Variants in RAB37 observed in about 807,000 individuals in gnomAD.
The protein encoded by RAB37 is RAB37, member RAS oncogene family.
Under a neutral mutation model 33.1 loss-of-function variants are expected in RAB37, and 29 were observed. That is an observed-to-expected ratio of 0.88 (90% CI 0.65 to 1.20). The LOEUF (loss-of-function observed/expected upper bound fraction) is 1.20, where lower values mean the gene tolerates loss of function less well. Ranked by LOEUF, RAB37 falls within the 50% of genes most tolerant of loss-of-function variation. RAB37 has a pLI of 0.00. For synonymous variants in RAB37, 128 were observed against 119.5 expected (o/e 1.07, Z -0.47); for missense variants, 299 against 301.1 (o/e 0.99, Z 0.05).
chr17:74,702,925 G>T lies in RAB37; in HGVS notation c.73-26331G>T, dbSNP rs554364790. Reference sequence around the variant, plus strand: ...CTCCCAGCTTCCTCATCCTCACCAAGGAGCATGCAGGTCCCAGACAAAGCT... The same window carrying T: ...CTCCCAGCTTCCTCATCCTCACCAATGAGCATGCAGGTCCCAGACAAAGCT... On this transcript the variant is annotated intron_variant, in intron 1 of 7. Transcript: ENST00000340415. 8.0e-6 allele frequency: 7 copies of T among 877,308 alleles called. No individual in the cohort carries two copies. In the East Asian group the frequency reaches 1.5e-4, roughly 19 times the overall value. The allele number at this position is 877,308 out of a possible 1,614,324, so 54.3% of individuals were successfully genotyped here.
rs1688120155 is a variant in RAB37 at position 74,730,406 on chromosome 17, G to A, written c.183+1040G>A. On this transcript the variant is annotated intron_variant, in intron 2 of 7. Transcript: ENST00000340415. The surrounding 1 kb of genome is among the most constrained non-coding windows in gnomAD (Gnocchi z 4.4). ...CACTGGGTCACAGCCAGGAAGGCAG[G>A]GGTTCAGAATGAACATGGCTTCTGC... 2.6e-5 allele frequency among the ~76,000 whole-genome samples: 4 copies of A among 152,144 alleles called. No homozygotes were observed. In the South Asian group the frequency reaches 8.3e-4, roughly 31 times the overall value.
At chr17:74,739,561 G>A (rs1459659908) in intron 1 of RAB37, among the ~76,000 whole-genome samples, 93 of 133,622 alleles carry the variant, frequency 7.0e-4, no homozygotes, top group South Asian at 1.2e-3. Flanking sequence ...ACAGAGTGTC[G>A]CTCTGTCACC....
At chr17:74,728,826 T>C (rs1295486582) in intron 1 of RAB37, among the ~76,000 whole-genome samples, 1 of 152,038 alleles carries the variant, frequency 6.6e-6, no homozygotes. Flanking sequence ...TGTTTTTCTG[T>C]GTCTGTATGT....
chr17:74,683,288 C>A (rs1051620445), intron 1 of RAB37, among the ~76,000 whole-genome samples: 6 of 152,126 alleles, frequency 3.9e-5, no homozygotes, highest in Non-Finnish European at 8.8e-5. Context: ...TGTGGACCAT[C>A]CAGGGAAGAG....
rs888834843 is a variant in RAB37, at chr17:74,742,528, A to G, written c.246+233A>G. Among the ~76,000 whole-genome samples, 1 of 152,032 alleles carries G rather than the reference A, an allele frequency of 6.6e-6. No individual in the cohort carries two copies. Among genetic ancestry groups the G allele is most frequent in the Non-Finnish European group, 1.5e-5 (1 of 68,006 alleles). On this transcript the variant is annotated intron_variant, in intron 3 of 8. Transcript: ENST00000392613. This position sits in a 1 kb window ranked among gnomAD's most constrained non-coding sequence, Gnocchi z 4.0. ...CTTCAGACAAGCTTAGCCTCCATCC[A>G]TCTCCTCCCCAGTTGCCAGGGCTTT...
intron 1 of RAB37, among the ~76,000 whole-genome samples, chr17:74,700,183 ACAAT>A (rs1421336058): frequency 6.6e-6 from 1 of 151,034 alleles, no homozygotes; most frequent in Non-Finnish European, 1.5e-5. Flanking sequence ...AAACAAACAA[ACAAT>A]CAAAATAAAA....
intron 1 of RAB37, among the ~76,000 whole-genome samples, chr17:74,708,831 C>A (rs978575841): frequency 6.7e-6 from 1 of 149,894 alleles, no homozygotes; most frequent in East Asian, 2.0e-4. Flanking sequence ...AGGAGAATGA[C>A]GTGAACCCGG....
intron 1 of RAB37, among the ~76,000 whole-genome samples, chr17:74,687,471 GC>G (rs2143493848): frequency 6.6e-6 from 1 of 151,964 alleles, no homozygotes; most frequent in Admixed American, 6.6e-5. Flanking sequence ...TGATCCACCT[GC>G]CTCGGCCTCC....
At chr17:74,701,222 ATCAG>A (rs2033023270) in intron 1 of RAB37, among the ~76,000 whole-genome samples, 2 of 152,260 alleles carry the variant, frequency 1.3e-5, no homozygotes, top group African/African-American at 4.8e-5. Context: ...AAAGAAATTC[ATCAG>A]TCAATTAATT....
rs1163915122 is a variant in RAB37 at position 74,713,315 on chromosome 17, C to CA, written c.73-15924dup. On this transcript the variant is annotated intron_variant, in intron 1 of 7. Transcript: ENST00000340415. Reference sequence around the variant, plus strand: ...AACAAGACTCTGTCTCAAACAAAAACAAAAAAAAAAAAAAAAAGAGGAAGG... The same window carrying CA: ...AACAAGACTCTGTCTCAAACAAAAACAAAAAAAAAAAAAAAAAAGAGGAAGG... 8.6e-3 allele frequency among the ~76,000 whole-genome samples: 523 copies of CA among 61,070 alleles called. 1 individual carries two copies. Among genetic ancestry groups the CA allele is most frequent in the South Asian group, 0.049 (106 of 2,170 alleles). The allele number at this position is 61,070 out of a possible 152,430, so 40.1% of individuals were successfully genotyped here. A position where few individuals can be genotyped will look rare whatever the true frequency, so the allele number is the denominator to read the frequency against.
intron 1 of RAB37, chr17:74,695,052 G>A (rs753698206): frequency 6.3e-7 from 1 of 1,589,124 alleles, no homozygotes; most frequent in Admixed American, 1.8e-5. Flanking sequence ...TGAGGCAGGA[G>A]TGTGCTCACA....
At chr17:74,693,462 C>G (rs1018038570) in intron 1 of RAB37, among the ~76,000 whole-genome samples, 2 of 152,226 alleles carry the variant, frequency 1.3e-5, no homozygotes, top group African/African-American at 4.8e-5. Flanking sequence ...AAAGATCACT[C>G]TGGTTGCTGG....
intron 1 of RAB37, among the ~76,000 whole-genome samples, chr17:74,688,322 G>A (rs1236779903): frequency 6.6e-6 from 1 of 152,194 alleles, no homozygotes; most frequent in Non-Finnish European, 1.5e-5. Context: ...GGCCAAGGCA[G>A]GGGGATTACC....
chr17:74,740,914 GC>G (rs749939838), intron 2 of RAB37, 36 bp downstream of exon 2: 2 of 1,493,754 alleles, frequency 1.3e-6, no homozygotes, highest in African/African-American at 1.4e-5. Context: ...CCAGCAGAGA[GC>G]CAGGGCTGTG....
At chr17:74,718,322 A>ATCATATCATATCATG (rs1465913774) in intron 1 of RAB37, among the ~76,000 whole-genome samples, 1 of 27,046 alleles carries the variant, frequency 3.7e-5, no homozygotes, top group African/African-American at 7.6e-5. Context: ...CATACATCAT[A>ATCATATCATATCATG]TCATATCATA....
Position 74,738,552 on chromosome 17 carries a change from G to C in RAB37, c.93+1187G>C, listed in dbSNP as rs895251282. Among the ~76,000 whole-genome samples the C allele has an allele frequency of 6.6e-5, 10 of 152,194 alleles. No homozygotes were observed. Among genetic ancestry groups the C allele is most frequent in the Non-Finnish European group, 1.3e-4 (9 of 68,032 alleles). ...TGTGTTTGGTGGAATCACCGAGCTG[G>C]GTGGGTAGCTGGCATCGTTTGCTCA... On this transcript the variant is annotated intron_variant, in intron 1 of 8. Coordinates refer to ENST00000392613, the MANE Select transcript of RAB37 (RefSeq NM_001006638.3). The surrounding 1 kb of genome is among the most constrained non-coding windows in gnomAD (Gnocchi z 5.0).
chr17:74,687,538 T>G, intron 1 of RAB37, among the ~76,000 whole-genome samples: 1 of 152,132 alleles, frequency 6.6e-6, no homozygotes. Flanking sequence ...CACCCTTTCT[T>G]GATGCAAGAG....
upstream of RAB37, among the ~76,000 whole-genome samples, chr17:74,735,059 A>AAGAAAGAG (rs2034454067): frequency 1.5e-5 from 2 of 135,742 alleles, no homozygotes; most frequent in African/African-American, 5.4e-5. Flanking sequence ...GAAAGAAAGA[A>AAGAAAGAG]AGAGAAAGAA....
intron 2 of RAB37, among the ~76,000 whole-genome samples, chr17:74,741,741 C>CCTGGCAGGTGGGGCTCTACAGCTT (rs1356887031): frequency 6.6e-6 from 1 of 152,138 alleles, no homozygotes; most frequent in Non-Finnish European, 1.5e-5. Context: ...AAGGTCTCAC[C>CCTGGCAGGTGGGGCTCTACAGCTT]CTGGCAGGTG....
Sources: allele counts gnomAD v4.1 joint callset (sites outside exome capture counted in the v4.1 genomes callset), GRCh38; gene constraint gnomAD v4.1.1; non-coding constraint Gnocchi (gnomAD v3.1); transcripts MANE v1.5; gene names NCBI Gene and HGNC (gene_info 2026-07-23, HGNC 2026-07-21).